The following TDO2 variants were observed in gnomAD, a reference collection of about 807,000 sequenced individuals.
TDO2 encodes tryptamin 2,3-dioxygenase.
A neutral mutation model predicts 61.2 loss-of-function variants in TDO2; 63 were observed. The ratio of observed to expected loss-of-function variants is 1.03; its 90% CI spans 0.84 to 1.27. TDO2 has a LOEUF of 1.27. Among genes scored for constraint, TDO2 ranks in the 50% most tolerant of loss-of-function variants. The pLI is 0.00. For missense variants in TDO2, 494 were observed against 469.5 expected (o/e 1.05, Z -0.48); for synonymous variants, 183 against 164.0 (o/e 1.12, Z -0.89).
chr4:155,918,281 A>G (rs1742980383), intron 11 of TDO2, 42 bp downstream of exon 11: 2 of 1,593,764 alleles, frequency 1.3e-6, no homozygotes, highest in Non-Finnish European at 8.6e-7. Context: ...GGCAGTCACC[A>G]ACAATTTGTT....
Position 155,905,081 on chromosome 4 carries a change from G to C in TDO2, c.156G>C (p.Leu52Phe). 1 of 1,585,394 alleles carries C rather than the reference G, an allele frequency of 6.3e-7. No individual in the cohort carries two copies. The highest frequency in any genetic ancestry group is 1.2e-5 in the South Asian group (1 of 84,038). The stretch of plus-strand genomic sequence containing the variant: ...TTCATTTCAAGTTGGAAAAAGTTTT[G>C]AATGCACAAGAACTGCAAAGTGAAA... ...YGNYLHLEKVLNAQELQSETK... is the reference protein window; with the variant it reads ...YGNYLHLEKVFNAQELQSETK... Residue 52 changes from leucine (L) to phenylalanine (F), a missense_variant, in exon 3 of 12, where the codon TTG (leucine) becomes TTC (phenylalanine). Physicochemically the swap from Leu to Phe is conservative, Grantham distance 22. Coordinates refer to ENST00000536354, the MANE Select transcript of TDO2 (RefSeq NM_005651.4).
chr4:155,918,082 A>T, intron 10 of TDO2, 67 bp from the exon 11 acceptor site: 1 of 1,479,478 alleles, frequency 6.8e-7, no homozygotes, highest in Non-Finnish European at 9.3e-7. Context: ...CCAACCCCTC[A>T]TTGTTAGAAC....
At chr4:155,918,279 C>G (rs1475086510) in intron 11 of TDO2, 40 bp downstream of exon 11, 3 of 1,595,726 alleles carry the variant, frequency 1.9e-6, no homozygotes, top group Middle Eastern at 1.7e-4. Context: ...GTGGCAGTCA[C>G]CAACAATTTG....
chr4:155,904,187 C>A, intron 2 of TDO2, 64 bp downstream of exon 2: 1 of 1,187,774 alleles, frequency 8.4e-7, no homozygotes, highest in South Asian at 1.4e-5. Context: ...TGCCAAGTGA[C>A]TTTTTATGAT....
chr4:155,914,374 C>T lies in TDO2; in HGVS notation c.778C>T (p.Gln260Ter), dbSNP rs771546736. 1 of 1,606,040 alleles carries T rather than the reference C, an allele frequency of 6.2e-7. No homozygotes were observed. The highest frequency in any genetic ancestry group is 2.2e-5 in the East Asian group (1 of 44,528). ...GGAACAGGTGGCTGAATTTCAGAAG[C>T]AAAAAGAGGTGCTACTGTCCTTATT... ...KEEQVAEFQK[Q>*]KEVLLSLFDE... Residue 260 changes from glutamine (Q) to a stop codon, truncating the protein, a stop_gained, in exon 8 of 12, where the codon CAA (glutamine) becomes TAA (stop). Coordinates refer to ENST00000536354, the MANE Select transcript of TDO2 (RefSeq NM_005651.4). LOFTEE classifies it high-confidence loss of function.
intron 3 of TDO2, chr4:155,907,055 CA>C (rs1266676568): frequency 6.6e-6 from 1 of 152,138 alleles, no homozygotes; most frequent in Non-Finnish European, 1.5e-5. Context: ...CAGGTTTGAA[CA>C]AATAAACCTT....
At chr4:155,916,415 G>A (rs1187776513) in intron 9 of TDO2, among the ~76,000 whole-genome samples, 2 of 2,418 alleles carry the variant, frequency 8.3e-4, no homozygotes, top group Non-Finnish European at 9.6e-3. Flanking sequence ...TGATCGGCCC[G>A]CCTCGGCCTC....
chr4:155,917,577 C>T lies in TDO2; in HGVS notation c.976+103C>T, dbSNP rs527406685. ...CTCCTGCCCACTTTCTCTCTTTCCC[C>T]CTCCTTTGTGTGTGGGTGCATTCTT... On this transcript the variant is annotated intron_variant, in intron 10 of 11. Coordinates refer to ENST00000536354, the MANE Select transcript of TDO2 (RefSeq NM_005651.4). 9.4e-5 allele frequency: 89 copies of T among 951,132 alleles called. 1 individual carries two copies. The highest frequency in any genetic ancestry group is 5.2e-4 in the South Asian group (29 of 55,446). The allele number at this position is 951,132 out of a possible 1,614,324, so 58.9% of individuals were successfully genotyped here.
chr4:155,916,558 G>A (rs1742941260), intron 9 of TDO2, among the ~76,000 whole-genome samples: 1 of 151,902 alleles, frequency 6.6e-6, no homozygotes, highest in Non-Finnish European at 1.5e-5. Context: ...GATTATTCCT[G>A]TTTAAGAAAA....
At chr4:155,904,579 G>A (rs1016472114) in intron 2 of TDO2, among the ~76,000 whole-genome samples, 2 of 152,102 alleles carry the variant, frequency 1.3e-5, no homozygotes, top group Non-Finnish European at 2.9e-5. Flanking sequence ...TAATGAATGA[G>A]GTATTGGGAG....
intron 3 of TDO2, chr4:155,907,359 T>TCTC: frequency 5.6e-6 from 1 of 179,066 alleles, no homozygotes; most frequent in Non-Finnish European, 1.2e-5. Context: ...AGTGTGTAGA[T>TCTC]GAAGTTGATT....
chr4:155,904,718 A>C (rs1450246548), intron 2 of TDO2, among the ~76,000 whole-genome samples: 1 of 152,172 alleles, frequency 6.6e-6, no homozygotes, highest in African/African-American at 2.4e-5. Context: ...ATATTCTTAG[A>C]ATAGGCTCTT....
intron 3 of TDO2, 97 bp downstream of exon 3, chr4:155,905,254 A>C: frequency 1.3e-5 from 12 of 901,002 alleles, no homozygotes; most frequent in Non-Finnish European, 2.1e-5. Flanking sequence ...ATGAAAGATC[A>C]TGGAATCACC....
At chr4:155,912,787 A>G (rs1035186796) in intron 7 of TDO2, among the ~76,000 whole-genome samples, 1 of 152,168 alleles carries the variant, frequency 6.6e-6, no homozygotes, top group Non-Finnish European at 1.5e-5. Flanking sequence ...CAGAACATGT[A>G]TATAATACCT....
rs1377173307 is a variant in TDO2 at position 155,904,105 on chromosome 4, C to T, written c.123C>T (p.Ile41=). The T allele has an allele frequency of 1.2e-6, 2 of 1,613,712 alleles. No homozygotes were observed. Among genetic ancestry groups the T allele is most frequent in the African/African-American group, 2.7e-5 (2 of 74,904 alleles). ...ATAGAGCCAGCAAAGGAGGTCTTAT[C>T]TATGGGAACTACCTGCATGTAAGTG... ...GVNRASKGGL[I]YGNYLHLEKV... Residue 41 remains isoleucine, a synonymous_variant, in exon 2 of 12, where the codon ATC becomes ATT. Transcript: ENST00000536354.
In TDO2 at chr4:155,910,179, G is replaced by T; in HGVS notation, c.586G>T (p.Glu196Ter). ...GEENELLLKS[E>*]QEKTLLELVE... The stretch of plus-strand genomic sequence containing the variant: ...AGAAAATGAACTGCTACTTAAATCT[G>T]AGCAGGAAAAGACACTTCTGGAATT... The change falls in exon 6 of 12, where the codon GAG (glutamate) becomes TAG (stop). Residue 196 changes from glutamate (E) to a stop codon, truncating the protein, a stop_gained. Coordinates refer to ENST00000536354, the MANE Select transcript of TDO2 (RefSeq NM_005651.4). LOFTEE classifies it high-confidence loss of function. 1 of 1,587,470 alleles carries T rather than the reference G, an allele frequency of 6.3e-7. No individual in the cohort carries two copies. Among genetic ancestry groups the T allele is most frequent in the Non-Finnish European group, 8.5e-7 (1 of 1,170,384 alleles).
At chr4:155,907,864 A>G in intron 4 of TDO2, 72 bp downstream of exon 4, 1 of 1,148,604 alleles carries the variant, frequency 8.7e-7, no homozygotes, top group South Asian at 1.3e-5. Flanking sequence ...TTAATGAGAG[A>G]AAAACATTAA....
chr4:155,916,620 A>T (rs75369176), intron 9 of TDO2, among the ~76,000 whole-genome samples: 151 of 152,212 alleles, frequency 9.9e-4, no homozygotes, highest in African/African-American at 3.5e-3. Flanking sequence ...CTTATTCAGC[A>T]ATTTCAAGTA....
intron 10 of TDO2, among the ~76,000 whole-genome samples, chr4:155,917,821 T>C (rs1742970420): frequency 6.6e-6 from 1 of 152,218 alleles, no homozygotes; most frequent in Admixed American, 6.5e-5. Context: ...TTAATTTTAA[T>C]AGTTTTTTTA....
Sources: gnomAD v4.1 joint callset for allele counts (sites outside exome capture counted in the v4.1 genomes callset) on GRCh38, gnomAD v4.1.1 for gene constraint, MANE v1.5 for transcripts, NCBI Gene and HGNC (gene_info 2026-07-23, HGNC 2026-07-21) for gene names.